Variants in IL1RAPL2 observed in about 807,000 individuals in gnomAD.
IL1RAPL2 encodes interleukin 1 receptor accessory protein like 2, also known as X-linked interleukin-1 receptor accessory protein-like 2.
IL1RAPL2 carries 3 observed loss-of-function variants against 44.1 expected under a neutral mutation model. That is an observed-to-expected ratio of 0.07 (90% CI 0.03 to 0.18). The LOEUF is 0.18. Among genes scored for constraint, IL1RAPL2 ranks in the 10% least tolerant of loss-of-function variants. IL1RAPL2 has a pLI of 1.00. For synonymous variants in IL1RAPL2, 181 were observed against 178.8 expected (o/e 1.01, Z -0.10); for missense variants, 391 against 496.4 (o/e 0.79, Z 2.02).
At chrX:104,575,822 CT>C (rs1928233820) in intron 1 of IL1RAPL2, among the ~76,000 whole-genome samples, 1 of 112,004 alleles carries the variant, frequency 8.9e-6, no homozygotes, top group South Asian at 3.7e-4. Context: ...TCTCCTGGTT[CT>C]TGAACCAAAC....
intron 6 of IL1RAPL2, among the ~76,000 whole-genome samples, chrX:105,683,155 A>G (rs1298121980): frequency 1.8e-5 from 2 of 111,882 alleles, no homozygotes; most frequent in Non-Finnish European, 3.8e-5. Context: ...TAAGCAGATT[A>G]ACGGGAAACA....
chrX:104,674,955 A>G (rs866073282), intron 2 of IL1RAPL2, among the ~76,000 whole-genome samples: 24 of 110,758 alleles, frequency 2.2e-4, no homozygotes, highest in African/African-American at 7.9e-4. Flanking sequence ...TCCCCTTTAT[A>G]ATTTTTTATT....
chrX:104,883,992 G>A (rs750034233), intron 2 of IL1RAPL2, among the ~76,000 whole-genome samples: 15 of 112,013 alleles, frequency 1.3e-4, no homozygotes, highest in Non-Finnish European at 2.6e-4. Context: ...TAGGACAGGG[G>A]TAAAGTCCCA....
At chrX:105,757,989 G>A (rs756560224) in intron 10 of IL1RAPL2, among the ~76,000 whole-genome samples, 19 of 111,246 alleles carry the variant, frequency 1.7e-4, no homozygotes, top group Non-Finnish European at 3.6e-4. Context: ...TGGTGTATAT[G>A]TGCTATTAAA....
chrX:105,622,277 A>AT (rs2037424159), intron 6 of IL1RAPL2, among the ~76,000 whole-genome samples: 4 of 75,019 alleles, frequency 5.3e-5, no homozygotes, highest in African/African-American at 1.4e-4. Context: ...AAAGTCAATA[A>AT]AAATAATAAT....
chrX:105,671,144 G>A (rs1238598017), intron 6 of IL1RAPL2, among the ~76,000 whole-genome samples: 3 of 110,100 alleles, frequency 2.7e-5, no homozygotes, highest in South Asian at 3.8e-4. Flanking sequence ...ATGGTGTTTC[G>A]CCATGTGGGC....
chrX:105,209,431 C>A (rs1214124110), intron 3 of IL1RAPL2, among the ~76,000 whole-genome samples: 1 of 111,809 alleles, frequency 8.9e-6, no homozygotes, highest in African/African-American at 3.3e-5. Context: ...AAATGGCAAG[C>A]CCAGAGAGGA....
intron 6 of IL1RAPL2, among the ~76,000 whole-genome samples, chrX:105,541,552 T>C (rs1305378717): frequency 9.0e-6 from 1 of 111,000 alleles, no homozygotes; most frequent in African/African-American, 3.3e-5. Flanking sequence ...GTAGAGAGCA[T>C]TGAATACTGA....
chrX:105,428,485 G>T (rs1443422558), intron 5 of IL1RAPL2, among the ~76,000 whole-genome samples: 1 of 111,217 alleles, frequency 9.0e-6, no homozygotes, highest in Non-Finnish European at 1.9e-5. Context: ...AAATCTCTAG[G>T]GGTCATCTGA....
chrX:105,620,121 A>T (rs2037409159), intron 6 of IL1RAPL2, among the ~76,000 whole-genome samples: 2 of 111,206 alleles, frequency 1.8e-5, no homozygotes. Context: ...AAATCCAGCA[A>T]CCAGACCATT....
chrX:104,736,569 A>G (rs1357116796), intron 2 of IL1RAPL2, among the ~76,000 whole-genome samples: 1 of 112,334 alleles, frequency 8.9e-6, no homozygotes, highest in Non-Finnish European at 1.9e-5. Context: ...TTACAGTTCT[A>G]TGCTTCTATC....
intron 6 of IL1RAPL2, among the ~76,000 whole-genome samples, chrX:105,712,025 T>C (rs1190249734): frequency 8.9e-6 from 1 of 111,799 alleles, no homozygotes; most frequent in African/African-American, 3.2e-5. Flanking sequence ...TCACAGGTTG[T>C]AGTCTCATGC....
Position 105,412,306 on chromosome X carries a change from G to GTATATA in IL1RAPL2, c.698-71978_698-71973dup, listed in dbSNP as rs56979628. Among the ~76,000 whole-genome samples, 67 of 93,171 alleles carry GTATATA rather than the reference G, an allele frequency of 7.2e-4. 1 individual carries two copies. Among genetic ancestry groups the GTATATA allele is most frequent in the African/African-American group, 1.8e-3 (49 of 27,514 alleles). The allele number at this position is 93,171 out of a possible 115,157, so 80.9% of individuals were successfully genotyped here. A position where few individuals can be genotyped will look rare whatever the true frequency, so the allele number is the denominator to read the frequency against. The stretch of plus-strand genomic sequence containing the variant: ...GCAGATGAGTGATAAGAAAAATGTA[G>GTATATA]TATATATATATATATATATATATAT... On this transcript the variant is annotated intron_variant, in intron 5 of 10. Transcript: ENST00000372582.
intron 2 of IL1RAPL2, among the ~76,000 whole-genome samples, chrX:104,915,908 G>C (rs1354940476): frequency 1.8e-5 from 2 of 111,683 alleles, no homozygotes; most frequent in East Asian, 5.7e-4. Flanking sequence ...TGAGGGCTCT[G>C]TTCTGTTCCA....
chrX:105,141,266 A>G (rs922735240), intron 2 of IL1RAPL2, among the ~76,000 whole-genome samples: 1 of 110,852 alleles, frequency 9.0e-6, no homozygotes, highest in Non-Finnish European at 1.9e-5. Context: ...TGAAGCCCAC[A>G]GGTGAACATT....
At chrX:105,469,049 G>T (rs1434298586) in intron 5 of IL1RAPL2, among the ~76,000 whole-genome samples, 2 of 111,703 alleles carry the variant, frequency 1.8e-5, no homozygotes, top group African/African-American at 6.5e-5. Flanking sequence ...GGACTAGATT[G>T]CCAAAAATTC....
At chrX:105,137,632 G>T (rs2033088184) in intron 2 of IL1RAPL2, among the ~76,000 whole-genome samples, 1 of 111,713 alleles carries the variant, frequency 9.0e-6, no homozygotes. Context: ...GGTGATTGAG[G>T]GTTTCTTCTT....
At chrX:104,908,375 G>T (rs938437833) in intron 2 of IL1RAPL2, among the ~76,000 whole-genome samples, 2 of 111,545 alleles carry the variant, frequency 1.8e-5, no homozygotes, top group African/African-American at 6.5e-5. Flanking sequence ...TTGCTCGTTA[G>T]TTGATGCAGT....
In IL1RAPL2 at chrX:104,863,213, T is replaced by G. The variant is rs1161823533; in HGVS notation, c.82+204218T>G. 4.5e-5 allele frequency among the ~76,000 whole-genome samples: 5 copies of G among 111,487 alleles called. No homozygotes were observed. In the East Asian group the frequency reaches 1.4e-3, roughly 31 times the overall value. On this transcript the variant is annotated intron_variant, in intron 2 of 10. Coordinates refer to ENST00000372582, the MANE Select transcript of IL1RAPL2 (RefSeq NM_017416.2). The stretch of plus-strand genomic sequence containing the variant: ...AGAAAAATTTGAATCTGAGTATACT[T>G]GCTCAGACCACTGCCATCCACTGGG...
Sources: allele counts gnomAD v4.1 joint callset (sites outside exome capture counted in the v4.1 genomes callset), GRCh38; gene constraint gnomAD v4.1.1; transcripts MANE v1.5; gene names NCBI Gene and HGNC (gene_info 2026-07-23, HGNC 2026-07-21).